KCNK13: variants seen among roughly 807,000 people sequenced by gnomAD.
The protein encoded by KCNK13 is potassium two pore domain channel subfamily K member 13.
A neutral mutation model predicts 23.4 loss-of-function variants in KCNK13; 12 were observed. That is an observed-to-expected ratio of 0.51 (90% CI 0.33 to 0.83). The LOEUF (loss-of-function observed/expected upper bound fraction) is 0.83, where lower values mean the gene tolerates loss of function less well. Ranked by LOEUF, KCNK13 falls within the 40% of genes least tolerant of loss-of-function variation. The probability of loss-of-function intolerance (pLI) is 0.02; values close to 1 mark genes in which losing one functional copy is unlikely to be tolerated. For synonymous variants in KCNK13, 231 were observed against 229.5 expected (o/e 1.01, Z -0.06); for missense variants, 463 against 556.3 (o/e 0.83, Z 1.69).
intron 1 of KCNK13, among the ~76,000 whole-genome samples, chr14:90,084,702 T>C (rs754499093): frequency 6.6e-6 from 1 of 152,232 alleles, no homozygotes. Flanking sequence ...CTTTATCTTA[T>C]TCCTGATCTT....
chr14:90,075,323 C>T (rs1889121956), intron 1 of KCNK13, among the ~76,000 whole-genome samples: 1 of 152,174 alleles, frequency 6.6e-6, no homozygotes, highest in Non-Finnish European at 1.5e-5. Context: ...TGGGGTTCAA[C>T]CCATTTCCTC....
intron 1 of KCNK13, among the ~76,000 whole-genome samples, chr14:90,065,139 C>A (rs2140385457): frequency 6.6e-6 from 1 of 152,272 alleles, no homozygotes; most frequent in Non-Finnish European, 1.5e-5. Flanking sequence ...TATACATATG[C>A]ATTTTTAAAA....
At chr14:90,087,301 A>C (rs1889292891) in intron 1 of KCNK13, among the ~76,000 whole-genome samples, 1 of 151,836 alleles carries the variant, frequency 6.6e-6, no homozygotes, top group African/African-American at 2.4e-5. Context: ...TTCGTGGTTT[A>C]ATAACAAAGC....
chr14:90,106,858 C>A (rs1373840447), intron 1 of KCNK13, among the ~76,000 whole-genome samples: 1 of 151,724 alleles, frequency 6.6e-6, no homozygotes, highest in Admixed American at 6.6e-5. Context: ...CCCGTCTCTA[C>A]TAAAAATACA....
At chr14:90,151,197 A>G (rs540989136) in intron 1 of KCNK13, among the ~76,000 whole-genome samples, 7 of 152,326 alleles carry the variant, frequency 4.6e-5, no homozygotes, top group South Asian at 2.1e-4. Flanking sequence ...TCTTTCTAGC[A>G]ATGCAAGAAT....
At chr14:90,170,069 A>G (rs1873461611) in intron 1 of KCNK13, among the ~76,000 whole-genome samples, 1 of 152,184 alleles carries the variant, frequency 6.6e-6, no homozygotes, top group African/African-American at 2.4e-5. Context: ...AAGCATGGAA[A>G]TAAAAGAAAA....
At chr14:90,098,731 G>A (rs868642627) in intron 1 of KCNK13, among the ~76,000 whole-genome samples, 6 of 151,762 alleles carry the variant, frequency 4.0e-5, no homozygotes, top group Non-Finnish European at 8.8e-5. Flanking sequence ...TTACCAAGGA[G>A]TACTAGGATT....
chr14:90,182,357 T>C (rs1890496772), intron 1 of KCNK13, among the ~76,000 whole-genome samples: 1 of 152,082 alleles, frequency 6.6e-6, no homozygotes, highest in African/African-American at 2.4e-5. Context: ...CATTTCAAGG[T>C]CTGGTCTGAA....
chr14:90,093,985 C>A (rs1447346207), intron 1 of KCNK13, among the ~76,000 whole-genome samples: 1 of 152,156 alleles, frequency 6.6e-6, no homozygotes, highest in Non-Finnish European at 1.5e-5. Context: ...CATTTTCCAC[C>A]TCTGGCCTCT....
At chr14:90,157,262 A>T (rs896830380) in intron 1 of KCNK13, among the ~76,000 whole-genome samples, 3 of 152,212 alleles carry the variant, frequency 2.0e-5, no homozygotes, top group Non-Finnish European at 2.9e-5. Flanking sequence ...AGTTAACCAG[A>T]ATATTAATTG....
chr14:90,128,916 G>A (rs532369866), intron 1 of KCNK13, among the ~76,000 whole-genome samples: 4 of 152,268 alleles, frequency 2.6e-5, no homozygotes, highest in South Asian at 2.1e-4. Context: ...ACCTGAGGAC[G>A]GAGGCATTAT....
At chr14:90,169,013 C>T (rs958767479) in intron 1 of KCNK13, among the ~76,000 whole-genome samples, 11 of 152,158 alleles carry the variant, frequency 7.2e-5, no homozygotes, top group African/African-American at 1.2e-4. Flanking sequence ...CCTCCCCAAC[C>T]GTGTGGAGCT....
chr14:90,077,062 G>T (rs201624685), intron 1 of KCNK13, among the ~76,000 whole-genome samples: 1 of 144,132 alleles, frequency 6.9e-6, no homozygotes, highest in Non-Finnish European at 1.5e-5. Flanking sequence ...CTCGTGATCC[G>T]CCCGCCTCAG....
At chr14:90,160,219 T>C (rs1890238481) in intron 1 of KCNK13, among the ~76,000 whole-genome samples, 1 of 152,200 alleles carries the variant, frequency 6.6e-6, no homozygotes, top group Non-Finnish European at 1.5e-5. Flanking sequence ...TTTCGAGAAA[T>C]TCACCTGCTT....
At chr14:90,103,982 A>T (rs1889512750) in intron 1 of KCNK13, among the ~76,000 whole-genome samples, 1 of 152,146 alleles carries the variant, frequency 6.6e-6, no homozygotes, top group Non-Finnish European at 1.5e-5. Flanking sequence ...GCTCAGTGAG[A>T]CATGGGCCAT....
chr14:90,124,151 T>C (rs1248786325), intron 1 of KCNK13, among the ~76,000 whole-genome samples: 2 of 152,232 alleles, frequency 1.3e-5, no homozygotes, highest in African/African-American at 4.8e-5. Flanking sequence ...CAGCAAAATA[T>C]CAGCACCGCA....
In KCNK13 at chr14:90,079,840, G is replaced by A. The variant is rs553792053; in HGVS notation, c.334+17301G>A. Among the ~76,000 whole-genome samples the A allele has an allele frequency of 1.0e-3, 153 of 152,220 alleles. 1 individual carries two copies. The highest frequency in any genetic ancestry group is 3.5e-4 in the Non-Finnish European group (24 of 68,034). ...GCTCTGCAGGCCCTGCCTGGGTCATGTTTTCATGACAGACACTTAATGAGT... is the reference window on the plus strand; with the variant it reads ...GCTCTGCAGGCCCTGCCTGGGTCATATTTTCATGACAGACACTTAATGAGT... On this transcript the variant is annotated intron_variant, in intron 1 of 1. Transcript: ENST00000282146.
chr14:90,167,526 C>T (rs2140441569), intron 1 of KCNK13, among the ~76,000 whole-genome samples: 1 of 152,280 alleles, frequency 6.6e-6, no homozygotes, highest in East Asian at 1.9e-4. Flanking sequence ...TGGATTCAAT[C>T]CCAGACATGC....
intron 1 of KCNK13, among the ~76,000 whole-genome samples, chr14:90,095,465 T>C (rs975737667): frequency 6.6e-6 from 1 of 152,186 alleles, no homozygotes; most frequent in African/African-American, 2.4e-5. Context: ...AGTGTTATAG[T>C]CAACATATCT....
Sources: gnomAD v4.1 joint callset for allele counts (sites outside exome capture counted in the v4.1 genomes callset) on GRCh38, gnomAD v4.1.1 for gene constraint, MANE v1.5 for transcripts, NCBI Gene and HGNC (gene_info 2026-07-23, HGNC 2026-07-21) for gene names.